OTOF: variants seen among roughly 807,000 people sequenced by gnomAD.
OTOF encodes otoferlin.
Under a neutral mutation model 236.8 loss-of-function variants are expected in OTOF, and 218 were observed. That is an observed-to-expected ratio of 0.92 (90% CI 0.82 to 1.03). The LOEUF is 1.03. OTOF is among the 50% of genes least tolerant of loss of function. The pLI is 0.00. For missense variants in OTOF, 2,590 were observed against 2,694.4 expected (o/e 0.96, Z 0.86); for synonymous variants, 1,041 against 1,072.5 (o/e 0.97, Z 0.57).
At chr2:26,519,869 C>T (rs1226271335) in intron 3 of OTOF, among the ~76,000 whole-genome samples, 1 of 152,190 alleles carries the variant, frequency 6.6e-6, no homozygotes, top group Non-Finnish European at 1.5e-5. Flanking sequence ...AGCACACAGC[C>T]AGCACTCCAA....
intron 3 of OTOF, 38 bp downstream of exon 3, chr2:26,527,794 G>C (rs111652697): frequency 6.8e-7 from 1 of 1,477,038 alleles, no homozygotes; most frequent in Non-Finnish European, 9.5e-7. Context: ...CTCCCAGCCC[G>C]TCCAGGCCCA....
intron 22 of OTOF, 102 bp downstream of exon 22, chr2:26,476,789 G>A: frequency 9.8e-7 from 1 of 1,025,224 alleles, no homozygotes; most frequent in Non-Finnish European, 1.5e-6. Context: ...AGCACCTGCT[G>A]CTTGAAGGCC....
At chr2:26,538,161 G>A (rs1667121332) in intron 1 of OTOF, among the ~76,000 whole-genome samples, 1 of 152,192 alleles carries the variant, frequency 6.6e-6, no homozygotes, top group Non-Finnish European at 1.5e-5. Context: ...GGGCCCTGCT[G>A]CCCTGAGCAG....
chr2:26,472,691 C>T lies in OTOF; in HGVS notation c.3734-42G>A, dbSNP rs763071697. 6 of 1,606,398 alleles carry T rather than the reference C, an allele frequency of 3.7e-6. No homozygotes were observed. In the East Asian group the frequency reaches 8.9e-5, roughly 24 times the overall value. On this transcript the variant is annotated intron_variant, in intron 29 of 46. Transcript: ENST00000272371. ...ATGGACAGACAGGCAGAGGAAGGAGCAAGAGGAACAGTGAGATTGGCGGGG... is the reference window on the plus strand; with the variant it reads ...ATGGACAGACAGGCAGAGGAAGGAGTAAGAGGAACAGTGAGATTGGCGGGG...
intron 8 of OTOF, among the ~76,000 whole-genome samples, chr2:26,497,495 C>G (rs1034911593): frequency 6.6e-6 from 1 of 152,164 alleles, no homozygotes; most frequent in African/African-American, 2.4e-5. Flanking sequence ...TACGACTTTA[C>G]TTGAGAGAAT....
intron 3 of OTOF, among the ~76,000 whole-genome samples, chr2:26,524,632 C>A (rs927077463): frequency 6.6e-6 from 1 of 152,234 alleles, no homozygotes; most frequent in African/African-American, 2.4e-5. Context: ...TTTTGATGGG[C>A]TCAAGTGTTT....
chr2:26,541,771 A>C (rs1297274143), intron 1 of OTOF, among the ~76,000 whole-genome samples: 1 of 152,206 alleles, frequency 6.6e-6, no homozygotes, highest in African/African-American at 2.4e-5. Context: ...CCAATATCCA[A>C]TCACCTTTCT....
rs201957089 is a variant in OTOF at position 26,464,910 on chromosome 2, T to C, written c.4919A>G (p.Asn1640Ser). 2 of 1,597,630 alleles carry C rather than the reference T, an allele frequency of 1.3e-6. No homozygotes were observed. Among genetic ancestry groups the C allele is most frequent in the Non-Finnish European group, 8.5e-7 (1 of 1,171,702 alleles). Residue 1640 changes from asparagine to serine, a missense_variant, in exon 39 of 47, where the codon AAC (asparagine) becomes AGC (serine). Transcript: ENST00000272371. ...FGPPGRVKVA[N>S]RVFTGPSEIE... ...CTCAGAGGGCCCAGTGAAGACGCGG[T>C]TGGCCACCTTCACTCTCCCAGGGGG...
At chr2:26,510,602 G>A (rs1218138402) in intron 5 of OTOF, 3 of 695,346 alleles carry the variant, frequency 4.3e-6, no homozygotes, top group Non-Finnish European at 6.5e-6. Context: ...GCCCACTCCT[G>A]AGCCCTCTCA....
At chr2:26,468,376 G>T in intron 33 of OTOF, 32 bp downstream of exon 33, 1 of 1,566,936 alleles carries the variant, frequency 6.4e-7, no homozygotes, top group Non-Finnish European at 8.8e-7. Context: ...GGGCGGGGAG[G>T]AGGAGGCAGA....
chr2:26,462,312 G>A lies in OTOF; in HGVS notation c.5193-131C>T. 1.2e-6 allele frequency: 1 copy of A among 803,262 alleles called. No individual in the cohort carries two copies. Among genetic ancestry groups the A allele is most frequent in the Non-Finnish European group, 2.2e-6 (1 of 462,482 alleles). The allele number at this position is 803,262 out of a possible 1,614,324, so 49.8% of individuals were successfully genotyped here. On this transcript the variant is annotated intron_variant, in intron 41 of 46. Transcript: ENST00000272371. This position sits in a 1 kb window ranked among gnomAD's most constrained non-coding sequence, Gnocchi z 4.7. ...CAGCACAGGGCCTGGGCCAGGCTGG[G>A]GCTGGAGGAGTGGTTTGGGGTTGGG...
intron 35 of OTOF, 55 bp from the exon 36 acceptor site, chr2:26,466,906 C>G (rs1664754062): frequency 6.2e-7 from 1 of 1,611,854 alleles, no homozygotes; most frequent in Non-Finnish European, 8.5e-7. Flanking sequence ...GGGTGGCATT[C>G]AAAATAGCTA....
In OTOF at chr2:26,462,489, G is replaced by A. The variant is rs1664528540; in HGVS notation, c.5193-308C>T. On this transcript the variant is annotated intron_variant, in intron 41 of 46. Coordinates refer to ENST00000272371, the MANE Select transcript of OTOF (RefSeq NM_194248.3). This position sits in a 1 kb window ranked among gnomAD's most constrained non-coding sequence, Gnocchi z 4.7. ...TAGCCAGCAATGGAAGCCCATGGAA[G>A]CTGTATGTCCCTGTCCCCAAAGAGG... Among the ~76,000 whole-genome samples the A allele has an allele frequency of 6.6e-6, 1 of 152,220 alleles. No individual in the cohort carries two copies. Among genetic ancestry groups the A allele is most frequent in the Non-Finnish European group, 1.5e-5 (1 of 68,030 alleles).
Position 26,481,017 on chromosome 2 carries a change from A to T in OTOF, c.1580-8T>A. ...CCAGTGTGGGCAGGAAGCCTGTGGC[A>T]GTGGGAACAAAAATGAGGGGGCAGC... is the stretch of plus-strand genomic sequence containing the variant. On this transcript the variant is annotated splice_region_variant and splice_polypyrimidine_tract_variant and intron_variant, in intron 14 of 46. Coordinates refer to ENST00000272371, the MANE Select transcript of OTOF (RefSeq NM_194248.3). 1 of 1,608,748 alleles carries T rather than the reference A, an allele frequency of 6.2e-7. No individual in the cohort carries two copies. Among genetic ancestry groups the T allele is most frequent in the Non-Finnish European group, 8.5e-7 (1 of 1,176,344 alleles).
chr2:26,496,247 T>TTTG (rs1665981148), intron 8 of OTOF, among the ~76,000 whole-genome samples: 1 of 151,546 alleles, frequency 6.6e-6, no homozygotes, highest in South Asian at 2.1e-4. Flanking sequence ...CTTTTTTTTT[T>TTTG]TTTTCACACT....
intron 14 of OTOF, among the ~76,000 whole-genome samples, chr2:26,481,717 C>G (rs557630377): frequency 6.6e-6 from 1 of 152,274 alleles, no homozygotes; most frequent in South Asian, 2.1e-4. Context: ...GTTCCACCCC[C>G]TCAAAAGAAA....
chr2:26,491,891 A>G (rs1665851764), intron 9 of OTOF, among the ~76,000 whole-genome samples: 2 of 152,258 alleles, frequency 1.3e-5, no homozygotes, highest in African/African-American at 4.8e-5. Flanking sequence ...GTCTGCAATC[A>G]AATTCCTGTT....
chr2:26,476,101 G>T, intron 23 of OTOF, 27 bp downstream of exon 23: 1 of 1,611,352 alleles, frequency 6.2e-7, no homozygotes, highest in South Asian at 1.1e-5. Flanking sequence ...TCCCAGGTGA[G>T]GCTTCGAGTG....
At chr2:26,517,268 C>A (rs910155369) in intron 4 of OTOF, among the ~76,000 whole-genome samples, 1 of 148,402 alleles carries the variant, frequency 6.7e-6, no homozygotes, top group Admixed American at 6.8e-5. Context: ...GTTTCCCCCC[C>A]AGTGCACAGG....
Sources: allele counts gnomAD v4.1 joint callset (sites outside exome capture counted in the v4.1 genomes callset), GRCh38; gene constraint gnomAD v4.1.1; non-coding constraint Gnocchi (gnomAD v3.1); transcripts MANE v1.5; gene names NCBI Gene and HGNC (gene_info 2026-07-23, HGNC 2026-07-21).